Variants in SYN3 observed in about 807,000 individuals in gnomAD.
The protein encoded by SYN3 is synapsin III, also known as synapsin-3.
A neutral mutation model predicts 65.8 loss-of-function variants in SYN3; 35 were observed. The observed-to-expected ratio is 0.53, with a 90% CI of 0.41 to 0.70. The LOEUF (loss-of-function observed/expected upper bound fraction) is 0.70, where lower values mean the gene tolerates loss of function less well. Ranked by LOEUF, SYN3 falls within the 30% of genes least tolerant of loss-of-function variation. The pLI is 0.00. For missense variants in SYN3, 680 were observed against 749.0 expected, an observed-to-expected ratio of 0.91 and a Z score of 1.08; for synonymous variants, 270 against 292.9, an observed-to-expected ratio of 0.92 and a Z score of 0.80.
intron 6 of SYN3, among the ~76,000 whole-genome samples, chr22:32,857,762 G>C (rs756763476): frequency 6.6e-6 from 1 of 152,184 alleles, no homozygotes; most frequent in Non-Finnish European, 1.5e-5. Context: ...TTGGCCTCTA[G>C]TCCTAGCTCC....
chr22:32,592,790 C>G (rs1251375777), intron 7 of SYN3, among the ~76,000 whole-genome samples: 2 of 152,220 alleles, frequency 1.3e-5, no homozygotes, highest in African/African-American at 4.8e-5. Context: ...AGGCCCCCAA[C>G]AACACATTAT....
intron 6 of SYN3, chr22:32,833,712 C>T (rs377186348): frequency 3.0e-5 from 14 of 471,520 alleles, no homozygotes; most frequent in South Asian, 7.6e-5. Flanking sequence ...CCACCACTTC[C>T]GCATTAGATG....
chr22:32,621,761 G>A (rs1338173063), intron 6 of SYN3, among the ~76,000 whole-genome samples: 1 of 152,136 alleles, frequency 6.6e-6, no homozygotes, highest in South Asian at 2.1e-4. Context: ...TCTGTTAAGC[G>A]CTGCCTGCAG....
rs1181797424 is a variant in SYN3, at chr22:32,837,471, C to A, written c.711+27444G>T. On this transcript the variant is annotated intron_variant, in intron 6 of 13. Coordinates refer to ENST00000358763, the MANE Select transcript of SYN3 (RefSeq NM_003490.4). The surrounding 1 kb of genome is among the most constrained non-coding windows in gnomAD (Gnocchi z 4.1). The stretch of plus-strand genomic sequence containing the variant: ...CTCAGAGCACAGCACAGATGCCCAG[C>A]CAAAACACCCAGGGCGAAACCACTC... Among the ~76,000 whole-genome samples, 1 of 152,060 alleles carries A rather than the reference C, an allele frequency of 6.6e-6. No individual in the cohort carries two copies. The highest frequency in any genetic ancestry group is 1.5e-5 in the Non-Finnish European group (1 of 68,006).
chr22:32,851,844 T>G (rs932992938), intron 6 of SYN3, among the ~76,000 whole-genome samples: 3 of 152,182 alleles, frequency 2.0e-5, no homozygotes, highest in Non-Finnish European at 4.4e-5. Context: ...GTCAGTGCCC[T>G]TCTATCCAGA....
chr22:32,848,744 C>T (rs1444322603), intron 6 of SYN3, among the ~76,000 whole-genome samples: 2 of 152,186 alleles, frequency 1.3e-5, no homozygotes, highest in Non-Finnish European at 2.9e-5. Flanking sequence ...AGGCCAGAAA[C>T]AAAGTTACTT....
intron 6 of SYN3, among the ~76,000 whole-genome samples, chr22:32,678,666 T>C (rs558005738): frequency 2.6e-5 from 4 of 151,478 alleles, no homozygotes; most frequent in Admixed American, 1.3e-4. Flanking sequence ...TCTCCTCTTC[T>C]TCCTCCTCCT....
chr22:33,008,971 AG>A (rs59571498), intron 1 of SYN3, among the ~76,000 whole-genome samples: 31 of 141,566 alleles, frequency 2.2e-4, no homozygotes, highest in East Asian at 6.5e-4. Flanking sequence ...AAAGAGAGAG[AG>A]AGAAAAGAAA....
At chr22:32,772,280 A>C (rs2045793190) in intron 6 of SYN3, among the ~76,000 whole-genome samples, 1 of 125,446 alleles carries the variant, frequency 8.0e-6, no homozygotes, top group Non-Finnish European at 1.7e-5. Context: ...TTTTTTTTTC[A>C]AGAGGAGGGA....
chr22:32,858,201 G>C (rs895273162), intron 6 of SYN3: 2 of 1,600,744 alleles, frequency 1.2e-6, no homozygotes, highest in African/African-American at 2.7e-5. Flanking sequence ...AGAAACATCA[G>C]CTCCCAATGC....
chr22:32,794,078 C>T (rs1035099581), intron 6 of SYN3, among the ~76,000 whole-genome samples: 4 of 152,170 alleles, frequency 2.6e-5, no homozygotes, highest in African/African-American at 4.8e-5. Flanking sequence ...CAGCATTGTC[C>T]CTGTTCAGGA....
chr22:33,057,473 A>G (rs1191177268), intron 1 of SYN3: 2 of 152,228 alleles, frequency 1.3e-5, no homozygotes, highest in Non-Finnish European at 1.5e-5. Context: ...GCTCCCTATC[A>G]ACTCACAGTC....
intron 3 of SYN3, among the ~76,000 whole-genome samples, chr22:32,957,554 G>T (rs1483737414): frequency 6.6e-6 from 1 of 152,042 alleles, no homozygotes; most frequent in Non-Finnish European, 1.5e-5. Flanking sequence ...AAAAAGCCCC[G>T]CGCTCTCCCC....
intron 6 of SYN3, among the ~76,000 whole-genome samples, chr22:32,725,125 C>A (rs1034017948): frequency 6.6e-6 from 1 of 152,190 alleles, no homozygotes; most frequent in Non-Finnish European, 1.5e-5. Flanking sequence ...TCAAACAAAA[C>A]AAAACAAACA....
At chr22:32,953,491 T>G (rs896596202) in intron 3 of SYN3, among the ~76,000 whole-genome samples, 5 of 139,848 alleles carry the variant, frequency 3.6e-5, no homozygotes, top group Non-Finnish European at 7.5e-5. Flanking sequence ...TGATCAGTGA[T>G]ATGAGCAAAG....
chr22:33,031,004 CAGAT>C lies in SYN3; in HGVS notation c.-162-24184_-162-24181del, dbSNP rs572677067. 2.8e-3 allele frequency among the ~76,000 whole-genome samples: 432 copies of C among 152,264 alleles called. 1 individual carries two copies. The highest frequency in any genetic ancestry group is 1.0e-2 in the African/African-American group (415 of 41,552). On this transcript the variant is annotated intron_variant, in intron 1 of 13. Coordinates refer to ENST00000358763, the MANE Select transcript of SYN3 (RefSeq NM_003490.4). ...AGAGACAAACAGAGACATAGAGAAA[CAGAT>C]AGAGACATAGAGAGCCAGGCACAGA...
At chr22:32,679,448 AG>A (rs2060492520) in intron 6 of SYN3, among the ~76,000 whole-genome samples, 5 of 152,192 alleles carry the variant, frequency 3.3e-5, no homozygotes, top group African/African-American at 1.2e-4. Context: ...ATGAGAGTGA[AG>A]GTATCTCTTT....
chr22:33,034,993 A>C (rs1183677444), intron 1 of SYN3, among the ~76,000 whole-genome samples: 2 of 152,132 alleles, frequency 1.3e-5, no homozygotes, highest in Non-Finnish European at 2.9e-5. Flanking sequence ...TTGGGAGCCC[A>C]ATCTGGTCAC....
At chr22:32,902,690 G>C (rs541699225) in intron 4 of SYN3, among the ~76,000 whole-genome samples, 5 of 152,130 alleles carry the variant, frequency 3.3e-5, no homozygotes, top group Admixed American at 6.5e-5. Context: ...GATGGGACTC[G>C]TGGGCAGGTT....
Sources: gnomAD v4.1 joint callset for allele counts (sites outside exome capture counted in the v4.1 genomes callset) on GRCh38, gnomAD v4.1.1 for gene constraint, Gnocchi (gnomAD v3.1) non-coding constraint, MANE v1.5 for transcripts, NCBI Gene and HGNC (gene_info 2026-07-23, HGNC 2026-07-21) for gene names.